DNER: variants seen among roughly 807,000 people sequenced by gnomAD.
DNER encodes the protein delta/notch like EGF repeat containing.
DNER carries 33 observed loss-of-function variants against 78.2 expected under a neutral mutation model. The ratio of observed to expected loss-of-function variants is 0.42; its 90% CI spans 0.32 to 0.56. DNER has a LOEUF of 0.56. Among genes scored for constraint, DNER ranks in the 20% least tolerant of loss-of-function variants. The probability of loss-of-function intolerance (pLI) is 0.11; values close to 1 mark genes in which losing one functional copy is unlikely to be tolerated. For missense variants in DNER, 918 were observed against 975.3 expected, an observed-to-expected ratio of 0.94 and a Z score of 0.78; for synonymous variants, 417 against 384.8, an observed-to-expected ratio of 1.08 and a Z score of -0.98.
chr2:229,389,371 A>C (rs894767553), intron 10 of DNER, among the ~76,000 whole-genome samples: 4 of 144,012 alleles, frequency 2.8e-5, no homozygotes, highest in African/African-American at 1.2e-4. Flanking sequence ...TACACCTCTT[A>C]AATTTAAAGG....
chr2:229,523,807 C>T (rs1282025211), intron 5 of DNER, among the ~76,000 whole-genome samples: 1 of 152,196 alleles, frequency 6.6e-6, no homozygotes, highest in East Asian at 1.9e-4. Flanking sequence ...CACAATATTC[C>T]TTGAACAATT....
intron 1 of DNER, among the ~76,000 whole-genome samples, chr2:229,612,575 T>G (rs956061543): frequency 1.3e-5 from 2 of 152,204 alleles, no homozygotes; most frequent in Non-Finnish European, 2.9e-5. Context: ...CTCGGAAGCT[T>G]GCAGCTCTAT....
intron 1 of DNER, among the ~76,000 whole-genome samples, chr2:229,708,748 G>A (rs1574578854): frequency 6.6e-6 from 1 of 152,174 alleles, no homozygotes; most frequent in Non-Finnish European, 1.5e-5. Flanking sequence ...AGAAGCTAAA[G>A]ACAGGAACAC....
At chr2:229,513,915 G>A (rs116144766) in intron 5 of DNER, among the ~76,000 whole-genome samples, 1,765 of 151,518 alleles carry the variant, frequency 0.012, 20 homozygotes, top group Middle Eastern at 0.037. Context: ...TCAGCCTCCC[G>A]CTGCTAATCT....
intron 11 of DNER, among the ~76,000 whole-genome samples, chr2:229,371,720 C>A (rs898182397): frequency 6.6e-6 from 1 of 152,212 alleles, no homozygotes; most frequent in Non-Finnish European, 1.5e-5. Flanking sequence ...TTACATATTG[C>A]ATCTAAAATA....
intron 1 of DNER, among the ~76,000 whole-genome samples, chr2:229,698,491 A>G (rs1699694419): frequency 6.6e-6 from 1 of 152,240 alleles, no homozygotes; most frequent in Non-Finnish European, 1.5e-5. Context: ...AAGCATATAA[A>G]ACATCTGTAG....
intron 10 of DNER, among the ~76,000 whole-genome samples, chr2:229,399,938 G>A (rs1054051794): frequency 6.6e-6 from 1 of 151,922 alleles, no homozygotes; most frequent in African/African-American, 2.4e-5. Flanking sequence ...AAGGGGTCTG[G>A]GGGGGAGCTG....
intron 4 of DNER, among the ~76,000 whole-genome samples, chr2:229,578,079 C>G (rs968586639): frequency 2.6e-5 from 4 of 152,070 alleles, no homozygotes; most frequent in Admixed American, 1.3e-4. Context: ...ACACGCAGAC[C>G]CTCAGCTCTT....
At chr2:229,628,087 G>A (rs1698375619) in intron 1 of DNER, among the ~76,000 whole-genome samples, 1 of 152,178 alleles carries the variant, frequency 6.6e-6, no homozygotes, top group African/African-American at 2.4e-5. Flanking sequence ...TGGTCCAGTA[G>A]CTACTACTTC....
At chr2:229,581,992 G>A (rs1418059170) in intron 4 of DNER, among the ~76,000 whole-genome samples, 1 of 152,150 alleles carries the variant, frequency 6.6e-6, no homozygotes, top group South Asian at 2.1e-4. Context: ...TCCTGAAAGT[G>A]CCTCAGCTTC....
At chr2:229,505,456 C>T (rs534908300) in intron 6 of DNER, among the ~76,000 whole-genome samples, 19 of 151,896 alleles carry the variant, frequency 1.3e-4, no homozygotes, top group African/African-American at 4.4e-4. Context: ...AGAGTAGAGC[C>T]GGGGGGGTCC....
chr2:229,586,189 A>G (rs1697492072), intron 3 of DNER, among the ~76,000 whole-genome samples, 165 bp from the exon 4 acceptor site: 2 of 151,986 alleles, frequency 1.3e-5, no homozygotes, highest in South Asian at 4.2e-4. Context: ...AAAGGCGTAC[A>G]CTCCCACTTG....
At chr2:229,598,060 G>A (rs531388032) in intron 1 of DNER, among the ~76,000 whole-genome samples, 61 of 152,190 alleles carry the variant, frequency 4.0e-4, no homozygotes, top group Non-Finnish European at 6.6e-4. Flanking sequence ...CCTCTGCGGC[G>A]TACAAACAGA....
intron 4 of DNER, among the ~76,000 whole-genome samples, chr2:229,574,262 G>A (rs185288739): frequency 8.1e-4 from 123 of 152,172 alleles, no homozygotes; most frequent in East Asian, 2.3e-3. Context: ...TAAATCATCC[G>A]AGAAGACACA....
chr2:229,708,831 A>T (rs940812747), intron 1 of DNER, among the ~76,000 whole-genome samples: 5 of 152,242 alleles, frequency 3.3e-5, no homozygotes, highest in African/African-American at 1.2e-4. Context: ...TGCACGAAAC[A>T]GGCAAATCAT....
At chr2:229,634,810 C>T (rs1273835537) in intron 1 of DNER, among the ~76,000 whole-genome samples, 1 of 152,136 alleles carries the variant, frequency 6.6e-6, no homozygotes, top group African/African-American at 2.4e-5. Context: ...GGGCTGCCTC[C>T]CTTGTCAGGT....
chr2:229,686,903 A>G (rs1273367250), intron 1 of DNER, among the ~76,000 whole-genome samples: 1 of 152,236 alleles, frequency 6.6e-6, no homozygotes, highest in Non-Finnish European at 1.5e-5. Flanking sequence ...GTACAGAAAA[A>G]CTGCAAATGA....
At chr2:229,606,376 T>C (rs1697938187) in intron 1 of DNER, 1 of 151,960 alleles carries the variant, frequency 6.6e-6, no homozygotes, top group Non-Finnish European at 1.5e-5. Context: ...AGCCCACAAA[T>C]GAAGCCTCTT....
At chr2:229,533,342 C>T (rs756109304) in intron 5 of DNER, among the ~76,000 whole-genome samples, 1 of 152,138 alleles carries the variant, frequency 6.6e-6, no homozygotes, top group African/African-American at 2.4e-5. Flanking sequence ...CTTTTCCACT[C>T]TGTTGACATG....
Sources: allele counts gnomAD v4.1 joint callset (sites outside exome capture counted in the v4.1 genomes callset), GRCh38; gene constraint gnomAD v4.1.1; transcripts MANE v1.5; gene names NCBI Gene and HGNC (gene_info 2026-07-23, HGNC 2026-07-21).